Variants in SERPINB10 observed in about 807,000 individuals in gnomAD.
The protein encoded by SERPINB10 is serpin family B member 10, also known as serpin B10.
A neutral mutation model predicts 39.1 loss-of-function variants in SERPINB10; 35 were observed. The ratio of observed to expected loss-of-function variants is 0.90; its 90% CI spans 0.68 to 1.19. SERPINB10 has a LOEUF of 1.19. SERPINB10 is among the 50% of genes most tolerant of loss of function. The pLI is 0.00. For synonymous variants in SERPINB10, 190 were observed against 158.1 expected (o/e 1.20, Z -1.52); for missense variants, 546 against 460.5 (o/e 1.19, Z -1.70).
At chr18:63,921,669 C>T (rs1040025993) in intron 5 of SERPINB10, among the ~76,000 whole-genome samples, 7 of 151,886 alleles carry the variant, frequency 4.6e-5, no homozygotes, top group Non-Finnish European at 7.4e-5. Flanking sequence ...TAGGCCATGT[C>T]ACTTCTCTAC....
intron 5 of SERPINB10, among the ~76,000 whole-genome samples, chr18:63,924,464 G>T (rs554759634): frequency 6.6e-6 from 1 of 152,024 alleles, no homozygotes; most frequent in Admixed American, 6.6e-5. Context: ...ACTCTCAATC[G>T]TGGCAACATA....
intron 7 of SERPINB10, among the ~76,000 whole-genome samples, chr18:63,933,605 T>C (rs936850076): frequency 6.6e-6 from 1 of 152,218 alleles, no homozygotes; most frequent in African/African-American, 2.4e-5. Context: ...ATTAATATTT[T>C]AACCATTTGC....
intron 5 of SERPINB10, among the ~76,000 whole-genome samples, chr18:63,929,740 A>T (rs1305411115): frequency 7.1e-6 from 1 of 141,754 alleles, no homozygotes; most frequent in Non-Finnish European, 1.6e-5. Context: ...AAAAGAAAAA[A>T]AAAAAGAAAT....
chr18:63,931,992 TA>T (rs1205206993), intron 6 of SERPINB10, among the ~76,000 whole-genome samples: 2 of 152,170 alleles, frequency 1.3e-5, no homozygotes, highest in African/African-American at 4.8e-5. Context: ...GAATGTCACA[TA>T]GTTGTAATCA....
chr18:63,908,356 T>C (rs2050040632), intron 1 of SERPINB10, among the ~76,000 whole-genome samples: 2 of 152,084 alleles, frequency 1.3e-5, no homozygotes, highest in African/African-American at 4.8e-5. Flanking sequence ...TCAGTGGAGT[T>C]TCCTCCAGTC....
In SERPINB10 at chr18:63,935,053, T is replaced by C. The variant is rs2050252175; in HGVS notation, c.1005T>C (p.Asn335=). Residue 335 remains asparagine (N), a synonymous_variant, in exon 8 of 8, where the codon AAT becomes AAC. Coordinates refer to ENST00000238508, the MANE Select transcript of SERPINB10 (RefSeq NM_005024.3). ...MSSARNLFLS[N]VFHKAFVEIN... Reference sequence around the variant, plus strand: ...CAGCAAGAAACCTATTTTTGTCCAATGTTTTCCATAAGGCTTTTGTGGAAA... The same window carrying C: ...CAGCAAGAAACCTATTTTTGTCCAACGTTTTCCATAAGGCTTTTGTGGAAA... 2 of 1,614,104 alleles carry C rather than the reference T, an allele frequency of 1.2e-6. No individual in the cohort carries two copies. Among genetic ancestry groups the C allele is most frequent in the Admixed American group, 3.3e-5 (2 of 60,002 alleles).
At chr18:63,928,841 C>T (rs950066416) in intron 5 of SERPINB10, among the ~76,000 whole-genome samples, 2 of 144,314 alleles carry the variant, frequency 1.4e-5, no homozygotes, top group African/African-American at 5.3e-5. Flanking sequence ...ATTTGGCTCT[C>T]TGTCTGTTGT....
At chr18:63,911,426 GTCTTTAGTCTA>G (rs2050063569) in intron 1 of SERPINB10, among the ~76,000 whole-genome samples, 1 of 151,492 alleles carries the variant, frequency 6.6e-6, no homozygotes, top group Non-Finnish European at 1.5e-5. Context: ...TTACATTCAA[GTCTTTAGTCTA>G]TCTTTAGTTA....
chr18:63,925,749 A>T (rs1306015705), intron 5 of SERPINB10, among the ~76,000 whole-genome samples: 1 of 152,026 alleles, frequency 6.6e-6, no homozygotes, highest in Non-Finnish European at 1.5e-5. Flanking sequence ...CACCATCTGC[A>T]ATAGTAACCA....
intron 5 of SERPINB10, among the ~76,000 whole-genome samples, chr18:63,929,798 T>C (rs1264875998): frequency 6.7e-6 from 1 of 149,176 alleles, no homozygotes; most frequent in Non-Finnish European, 1.5e-5. Context: ...ATAATTAAAA[T>C]GCAAATTTGT....
intron 5 of SERPINB10, among the ~76,000 whole-genome samples, chr18:63,928,967 T>C (rs2050199921): frequency 1.3e-5 from 2 of 152,194 alleles, no homozygotes; most frequent in Non-Finnish European, 2.9e-5. Flanking sequence ...GAACTTTCCA[T>C]GTTCACATGT....
rs192786716 is a variant in SERPINB10 at position 63,911,621 on chromosome 18, G to C, written c.-10+3581G>C. Among the ~76,000 whole-genome samples the C allele has an allele frequency of 2.0e-4, 31 of 152,114 alleles. No homozygotes were observed. The East Asian group carries it at 4.6e-3, about 23-fold the overall frequency. ...GCTTTATTTCTAAGTTCTCTATTCT[G>C]TTCCATTGGCCTATGTGTCTGTTTT... On this transcript the variant is annotated intron_variant, in intron 1 of 7. Coordinates refer to ENST00000238508, the MANE Select transcript of SERPINB10 (RefSeq NM_005024.3).
Position 63,930,052 on chromosome 18 carries a change from C to T in SERPINB10, c.498C>T (p.Ile166=). The change falls in exon 6 of 8, where the codon ATC becomes ATT. Residue 166 remains isoleucine, a synonymous_variant. Coordinates refer to ENST00000238508, the MANE Select transcript of SERPINB10 (RefSeq NM_005024.3). ...SWVERQTEGK[I]QNLLPDDSVD... is the part of the protein sequence containing the mutation. Reference sequence around the variant, plus strand: ...TGCCTTTTGTTCTTACAGGTAAAATCCAGAATCTCCTGCCTGATGACTCTG... The same window carrying T: ...TGCCTTTTGTTCTTACAGGTAAAATTCAGAATCTCCTGCCTGATGACTCTG... 1 of 1,613,098 alleles carries T rather than the reference C, an allele frequency of 6.2e-7. No homozygotes were observed. Among genetic ancestry groups the T allele is most frequent in the Non-Finnish European group, 8.5e-7 (1 of 1,179,516 alleles).
At chr18:63,908,986 C>T (rs970632177) in intron 1 of SERPINB10, among the ~76,000 whole-genome samples, 16 of 152,056 alleles carry the variant, frequency 1.1e-4, no homozygotes, top group Non-Finnish European at 1.9e-4. Context: ...CTCTGCTGTG[C>T]ATCCTTTGCT....
At position 63,917,504 on chromosome 18, in the gene SERPINB10, G is replaced by GA. The variant is rs201620640; in HGVS notation, c.226dup (p.Arg76LysfsTer16). 8.7e-4 allele frequency: 1,323 copies of GA among 1,524,874 alleles called. 1 individual carries two copies. The highest frequency in any genetic ancestry group is 1.1e-3 in the South Asian group (91 of 80,680). The allele number at this position is 1,524,874 out of a possible 1,614,324, so 94.5% of individuals were successfully genotyped here. On this transcript the variant is annotated frameshift_variant, in exon 3 of 8. Transcript: ENST00000238508. LOFTEE classifies it high-confidence loss of function. ...GGGAGTCAAATGTGACCCTGAAAGTGAAAAAAAAAGGAAAATGGTATATCT... is the reference window on the plus strand; with the variant it reads ...GGGAGTCAAATGTGACCCTGAAAGTGAAAAAAAAAAGGAAAATGGTATATCT...
intron 5 of SERPINB10, among the ~76,000 whole-genome samples, chr18:63,920,230 T>C (rs1010373281): frequency 1.3e-5 from 2 of 151,922 alleles, no homozygotes; most frequent in African/African-American, 4.8e-5. Flanking sequence ...ACATGCATGG[T>C]TTTTAAGGAA....
At chr18:63,917,129 C>A (rs560064862) in intron 2 of SERPINB10, among the ~76,000 whole-genome samples, 94 of 151,994 alleles carry the variant, frequency 6.2e-4, no homozygotes, top group Non-Finnish European at 1.1e-3. Flanking sequence ...CAGTTGGACA[C>A]CTAGCATTCT....
intron 7 of SERPINB10, among the ~76,000 whole-genome samples, chr18:63,934,576 C>A (rs1351348204): frequency 1.3e-5 from 2 of 152,258 alleles, no homozygotes; most frequent in East Asian, 1.9e-4. Flanking sequence ...TAGCTGATGT[C>A]TTGCATACTA....
chr18:63,911,046 G>C (rs1216545235), intron 1 of SERPINB10, among the ~76,000 whole-genome samples: 2 of 151,986 alleles, frequency 1.3e-5, no homozygotes, highest in African/African-American at 4.8e-5. Flanking sequence ...AATGATTAAT[G>C]ATGTTGAGCA....
Sources: gnomAD v4.1 joint callset for allele counts (sites outside exome capture counted in the v4.1 genomes callset) on GRCh38, gnomAD v4.1.1 for gene constraint, MANE v1.5 for transcripts, NCBI Gene and HGNC (gene_info 2026-07-23, HGNC 2026-07-21) for gene names.